CREB3L2: variants seen among roughly 807,000 people sequenced by gnomAD.
The protein encoded by CREB3L2 is cyclic AMP-responsive element-binding protein 3-like protein 2.
Under a neutral mutation model 57.2 loss-of-function variants are expected in CREB3L2, and 23 were observed. The ratio of observed to expected loss-of-function variants is 0.40; its 90% confidence interval spans 0.29 to 0.57. The LOEUF (loss-of-function observed/expected upper bound fraction) is 0.57, where lower values mean the gene tolerates loss of function less well. CREB3L2 is among the 20% of genes least tolerant of loss of function. CREB3L2 has a pLI of 0.42. For synonymous variants in CREB3L2, 268 were observed against 265.1 expected, an observed-to-expected ratio of 1.01 and a Z score of -0.11; for missense variants, 628 against 634.7, an observed-to-expected ratio of 0.99 and a Z score of 0.11.
intron 1 of CREB3L2, chr7:137,933,960 G>T (rs1325728683): frequency 6.6e-6 from 1 of 152,256 alleles, no homozygotes; most frequent in Non-Finnish European, 1.5e-5. Flanking sequence ...GGAGCAAAGT[G>T]AGCCTCGAGG....
At chr7:137,905,366 T>C (rs1799862658) in intron 6 of CREB3L2, among the ~76,000 whole-genome samples, 1 of 141,318 alleles carries the variant, frequency 7.1e-6, no homozygotes, top group Non-Finnish European at 1.5e-5. Context: ...GTATATATCA[T>C]ACACCCAAAA....
chr7:137,989,374 C>A (rs369104632), intron 1 of CREB3L2, among the ~76,000 whole-genome samples: 2 of 151,356 alleles, frequency 1.3e-5, no homozygotes, highest in South Asian at 2.1e-4. Context: ...ACTGACCACT[C>A]TGTAGCGACT....
Position 137,882,448 on chromosome 7 carries a change from A to G in CREB3L2, c.1451T>C (p.Leu484Pro). 3 of 1,613,994 alleles carry G rather than the reference A, an allele frequency of 1.9e-6. No homozygotes were observed. The South Asian group carries it at 3.3e-5, about 18-fold the overall frequency. Reference sequence around the variant, plus strand: ...CAGCTCCAAAAGCACTGACTTCTCCAGGCTGGTCTCATTCGAGATAATGAA... The same window carrying G: ...CAGCTCCAAAAGCACTGACTTCTCCGGGCTGGTCTCATTCGAGATAATGAA... The part of the protein sequence containing the change: ...PHFIISNETS[L>P]EKSVLLELQQ... Residue 484 changes from leucine to proline, a missense_variant, in exon 11 of 12, where the codon CTG (leucine) becomes CCG (proline). Leu to Pro is a moderately conservative substitution (Grantham distance 98). Transcript: ENST00000330387.
At chr7:137,985,501 C>T (rs964306443) in intron 1 of CREB3L2, among the ~76,000 whole-genome samples, 4 of 152,186 alleles carry the variant, frequency 2.6e-5, no homozygotes, top group African/African-American at 9.6e-5. Context: ...AGTAGCCCTA[C>T]CAGGACTGCT....
chr7:138,001,776 C>A lies in CREB3L2; in HGVS notation c.-71G>T. 4.4e-6 allele frequency: 5 copies of A among 1,134,278 alleles called. No individual in the cohort carries two copies. The highest frequency in any genetic ancestry group is 1.6e-5 in the South Asian group (1 of 63,290). The allele number at this position is 1,134,278 out of a possible 1,614,324, so 70.3% of individuals were successfully genotyped here. ...GACGCGCAGAGCTGCCTCGGACCGGCAAGGTTCCTCTCTCTCCGCGTGTGC... is the reference window on the plus strand; with the variant it reads ...GACGCGCAGAGCTGCCTCGGACCGGAAAGGTTCCTCTCTCTCCGCGTGTGC... On this transcript the variant is annotated 5_prime_UTR_variant, in exon 1 of 12. Coordinates refer to ENST00000330387, the MANE Select transcript of CREB3L2 (RefSeq NM_194071.4). The surrounding 1 kb of genome is among the most constrained non-coding windows in gnomAD (Gnocchi z 4.2).
intron 1 of CREB3L2, among the ~76,000 whole-genome samples, chr7:137,971,109 C>G (rs1019305068): frequency 6.6e-6 from 1 of 151,992 alleles, no homozygotes; most frequent in Non-Finnish European, 1.5e-5. Context: ...CAAGTCTACA[C>G]AGAGTTTAAA....
intron 1 of CREB3L2, among the ~76,000 whole-genome samples, chr7:137,950,173 T>A (rs1322934337): frequency 6.7e-6 from 1 of 149,748 alleles, no homozygotes; most frequent in Non-Finnish European, 1.5e-5. Context: ...CAATACACCA[T>A]ATGCTTCTTG....
chr7:137,885,174 T>C lies in CREB3L2; in HGVS notation c.1144-53A>G, dbSNP rs1316597334. The C allele has an allele frequency of 9.4e-6, 15 of 1,597,836 alleles. No individual in the cohort carries two copies. The Admixed American group carries it at 2.4e-4, about 25-fold the overall frequency. On this transcript the variant is annotated intron_variant, in intron 9 of 11. Transcript: ENST00000330387. ...ACACGAGGGGCTGTGGACTTCAGCC[T>C]CTGGACAGCACAGCTTTATACCCAG...
chr7:137,893,029 T>A (rs985705745), intron 8 of CREB3L2, among the ~76,000 whole-genome samples: 9 of 152,166 alleles, frequency 5.9e-5, no homozygotes, highest in Non-Finnish European at 1.0e-4. Flanking sequence ...GTTTATGGCC[T>A]TTTACTTAAG....
chr7:137,886,593 C>T (rs1190673640), intron 8 of CREB3L2, among the ~76,000 whole-genome samples: 1 of 152,052 alleles, frequency 6.6e-6, no homozygotes, highest in Non-Finnish European at 1.5e-5. Context: ...AGTCAGGAAA[C>T]GAAGCCAACA....
intron 9 of CREB3L2, 59 bp from the exon 10 acceptor site, chr7:137,885,180 C>T (rs1219772793): frequency 1.3e-6 from 2 of 1,588,432 alleles, no homozygotes; most frequent in South Asian, 1.1e-5. Context: ...AGCCTCTGGA[C>T]AGCACAGCTT....
chr7:137,986,817 C>G (rs1801800058), intron 1 of CREB3L2, among the ~76,000 whole-genome samples: 1 of 152,238 alleles, frequency 6.6e-6, no homozygotes, highest in South Asian at 2.1e-4. Flanking sequence ...TCATGTTCCT[C>G]AGCTTGTAAA....
chr7:137,919,133 T>C (rs1237236987), intron 2 of CREB3L2, among the ~76,000 whole-genome samples: 3 of 152,050 alleles, frequency 2.0e-5, no homozygotes, highest in African/African-American at 4.8e-5. Context: ...AAAGATGCTT[T>C]AGAGTTATAA....
At chr7:137,958,119 G>A (rs1396540123) in intron 1 of CREB3L2, among the ~76,000 whole-genome samples, 2 of 152,146 alleles carry the variant, frequency 1.3e-5, no homozygotes, top group Non-Finnish European at 2.9e-5. Flanking sequence ...CAATTCCCTG[G>A]GGTCAGTCCT....
intron 1 of CREB3L2, chr7:137,956,589 G>C (rs1712953391): frequency 7.8e-7 from 1 of 1,288,898 alleles, no homozygotes; most frequent in Admixed American, 2.3e-5. Context: ...TTCAGGTCCT[G>C]GCAATCCTTC....
intron 1 of CREB3L2, among the ~76,000 whole-genome samples, chr7:137,948,117 A>G (rs1801030551): frequency 6.6e-6 from 1 of 152,176 alleles, no homozygotes; most frequent in Admixed American, 6.5e-5. Flanking sequence ...GTGCTTTCCC[A>G]TGATTCCCTG....
At chr7:137,934,231 T>C (rs1218747967) in intron 1 of CREB3L2, among the ~76,000 whole-genome samples, 1 of 152,196 alleles carries the variant, frequency 6.6e-6, no homozygotes, top group Non-Finnish European at 1.5e-5. Context: ...TGAGCTAGGG[T>C]ACTCATGTCA....
At chr7:137,961,390 A>G (rs1801320999) in intron 1 of CREB3L2, among the ~76,000 whole-genome samples, 1 of 152,052 alleles carries the variant, frequency 6.6e-6, no homozygotes, top group African/African-American at 2.4e-5. Flanking sequence ...CTGCACAGTC[A>G]AAGCACAGGC....
Position 137,875,084 on chromosome 7 carries a change from CTT to C in CREB3L2, c.*5390_*5391del, listed in dbSNP as rs59223079. On this transcript the variant is annotated 3_prime_UTR_variant, in exon 12 of 12. Transcript: ENST00000330387. ...AACTAAGTACAAGTGTCCTACAAAG[CTT>C]TTTTTTTTTTTTGGTATTTACTTAG... The C allele has an allele frequency of 0.011, 1,954 of 169,944 alleles. 9 individuals carry two copies. The highest frequency in any genetic ancestry group is 0.019 in the Middle Eastern group (9 of 464). 10.5% of individuals were successfully genotyped at this position (169,944 alleles called of 1,614,324 possible).
Sources: gnomAD v4.1 joint callset for allele counts (sites outside exome capture counted in the v4.1 genomes callset) on GRCh38, gnomAD v4.1.1 for gene constraint, Gnocchi (gnomAD v3.1) non-coding constraint, MANE v1.5 for transcripts, NCBI Gene and HGNC (gene_info 2026-07-23, HGNC 2026-07-21) for gene names.